The following ARID4B variants were observed in gnomAD, a reference collection of about 807,000 sequenced individuals.
ARID4B encodes the protein AT-rich interaction domain 4B, also known as AT-rich interactive domain-containing protein 4B.
ARID4B carries 26 observed loss-of-function variants against 147.5 expected under a neutral mutation model. That is an observed-to-expected ratio of 0.18 (90% CI 0.13 to 0.24). The LOEUF is 0.24. ARID4B is among the 10% of genes least tolerant of loss of function. The pLI, the probability that ARID4B is intolerant of heterozygous loss-of-function variation, is 1.00. For synonymous variants in ARID4B, 512 were observed against 507.9 expected, an observed-to-expected ratio of 1.01 and a Z score of -0.11; for missense variants, 1,179 against 1,511.5, an observed-to-expected ratio of 0.78 and a Z score of 3.65.
intron 2 of ARID4B, among the ~76,000 whole-genome samples, chr1:235,296,680 G>C (rs541158404): frequency 6.7e-6 from 1 of 150,034 alleles, no homozygotes; most frequent in South Asian, 2.1e-4. Flanking sequence ...GGCTAGTCTC[G>C]AACTCCTGGG....
rs138728880 is a variant in ARID4B, at chr1:235,213,984, T to C, written c.1626A>G (p.Ala542=). ...NKEEDEDDEE[A]EEEEEEEEEE... ...CTTCTTCCTCCTCCTCCTCCTCTTCTGCTTCTTCATCATCTTCATCTTCTT... is the reference window on the plus strand; with the variant it reads ...CTTCTTCCTCCTCCTCCTCCTCTTCCGCTTCTTCATCATCTTCATCTTCTT... Residue 542 remains alanine, a synonymous_variant, in exon 17 of 24, where the codon GCA becomes GCG. Coordinates refer to ENST00000264183, the MANE Select transcript of ARID4B (RefSeq NM_016374.6). 2 of 1,591,214 alleles carry C rather than the reference T, an allele frequency of 1.3e-6. No individual in the cohort carries two copies. The highest frequency in any genetic ancestry group is 1.3e-5 in the African/African-American group (1 of 74,566).
intron 2 of ARID4B, among the ~76,000 whole-genome samples, chr1:235,295,517 TAAA>T (rs1039816071): frequency 1.2e-5 from 1 of 82,198 alleles, no homozygotes; most frequent in Non-Finnish European, 2.5e-5. Context: ...CATCTCAATT[TAAA>T]AAAAAAAAAG....
At chr1:235,284,075 A>C (rs1671826454) in intron 2 of ARID4B, among the ~76,000 whole-genome samples, 1 of 152,178 alleles carries the variant, frequency 6.6e-6, no homozygotes, top group Non-Finnish European at 1.5e-5. Flanking sequence ...TAATTCTTCA[A>C]GGCCAGGCCG....
At chr1:235,299,561 A>C (rs989029244) in intron 2 of ARID4B, among the ~76,000 whole-genome samples, 4 of 152,252 alleles carry the variant, frequency 2.6e-5, no homozygotes, top group African/African-American at 9.6e-5. Flanking sequence ...AGTTCAGCCT[A>C]GTCAAAAATT....
intron 2 of ARID4B, among the ~76,000 whole-genome samples, chr1:235,285,358 AAC>A (rs1671906324): frequency 6.6e-6 from 1 of 152,222 alleles, no homozygotes; most frequent in African/African-American, 2.4e-5. Context: ...AAACTTTAAA[AAC>A]AGATTACCTC....
chr1:235,255,244 T>TAGAC (rs1669885597), intron 5 of ARID4B, among the ~76,000 whole-genome samples: 1 of 93,810 alleles, frequency 1.1e-5, no homozygotes. Context: ...GATAGATAGA[T>TAGAC]AGATAGATAG....
intron 22 of ARID4B, 146 bp from the exon 23 acceptor site, chr1:235,172,910 T>G: frequency 1.6e-6 from 1 of 621,844 alleles, no homozygotes; most frequent in Non-Finnish European, 2.6e-6. Flanking sequence ...TTTTCCAAAT[T>G]TTTTATCTAG....
chr1:235,320,815 C>T (rs1674762422), intron 2 of ARID4B, among the ~76,000 whole-genome samples: 1 of 152,164 alleles, frequency 6.6e-6, no homozygotes, highest in African/African-American at 2.4e-5. Context: ...AGGGAATGCT[C>T]CTCCCCCAGA....
intron 19 of ARID4B, among the ~76,000 whole-genome samples, chr1:235,192,127 C>T (rs1665153958): frequency 6.6e-6 from 1 of 151,928 alleles, no homozygotes; most frequent in Non-Finnish European, 1.5e-5. Flanking sequence ...ATAAAAATTA[C>T]TTAGGAATAT....
At chr1:235,203,148 T>C (rs765358977) in intron 17 of ARID4B, among the ~76,000 whole-genome samples, 10 of 152,190 alleles carry the variant, frequency 6.6e-5, no homozygotes, top group Non-Finnish European at 1.2e-4. Context: ...GGCTAAAAGA[T>C]ACCATTCAGA....
chr1:235,254,220 C>T (rs1414070224), intron 5 of ARID4B, among the ~76,000 whole-genome samples: 2 of 152,020 alleles, frequency 1.3e-5, no homozygotes, highest in Non-Finnish European at 2.9e-5. Flanking sequence ...TATTCTCACA[C>T]CAAAGAAGTA....
At chr1:235,169,810 C>T (rs1008829430) in intron 23 of ARID4B, among the ~76,000 whole-genome samples, 7 of 151,988 alleles carry the variant, frequency 4.6e-5, no homozygotes, top group Middle Eastern at 3.4e-3. Flanking sequence ...TACAGGCATG[C>T]GCCACCATGT....
At chr1:235,313,513 T>C (rs1193206677) in intron 2 of ARID4B, among the ~76,000 whole-genome samples, 2 of 152,148 alleles carry the variant, frequency 1.3e-5, no homozygotes, top group Non-Finnish European at 2.9e-5. Flanking sequence ...AGGCTGCCCA[T>C]GCTAGATCAG....
intron 4 of ARID4B, among the ~76,000 whole-genome samples, chr1:235,256,642 G>A (rs1203911545): frequency 6.6e-6 from 1 of 152,220 alleles, no homozygotes; most frequent in Non-Finnish European, 1.5e-5. Context: ...TCATTTGCCA[G>A]TAGTGGCTCC....
intron 2 of ARID4B, among the ~76,000 whole-genome samples, chr1:235,293,966 TTAAG>T (rs1283815482): frequency 2.6e-5 from 4 of 152,148 alleles, no homozygotes; most frequent in African/African-American, 9.7e-5. Flanking sequence ...AAAATAGTTA[TTAAG>T]TAATTGGAGG....
At chr1:235,190,372 C>G (rs1665011587) in intron 19 of ARID4B, among the ~76,000 whole-genome samples, 1 of 152,046 alleles carries the variant, frequency 6.6e-6, no homozygotes, top group South Asian at 2.1e-4. Context: ...CACTTGAACC[C>G]AGGAGGCAGA....
chr1:235,297,956 A>G, intron 2 of ARID4B, among the ~76,000 whole-genome samples: 1 of 152,176 alleles, frequency 6.6e-6, no homozygotes, highest in East Asian at 1.9e-4. Context: ...AATTGCAAAG[A>G]CATTTTAGAG....
At chr1:235,209,797 C>G (rs1304358887) in intron 17 of ARID4B, among the ~76,000 whole-genome samples, 1 of 152,102 alleles carries the variant, frequency 6.6e-6, no homozygotes, top group Non-Finnish European at 1.5e-5. Flanking sequence ...CTCCTGACCT[C>G]AGGTGATCTG....
At chr1:235,236,502 GTGTGTGTGTGT>G (rs1302830097) in intron 8 of ARID4B, among the ~76,000 whole-genome samples, 3 of 41,906 alleles carry the variant, frequency 7.2e-5, no homozygotes, top group African/African-American at 2.9e-4. Flanking sequence ...TTGTGTGTGT[GTGTGTGTGTGT>G]GTGTGTGTGT....
Sources: allele counts gnomAD v4.1 joint callset (sites outside exome capture counted in the v4.1 genomes callset), GRCh38; gene constraint gnomAD v4.1.1; transcripts MANE v1.5; gene names NCBI Gene and HGNC (gene_info 2026-07-23, HGNC 2026-07-21).